Variants in GPHN observed in about 807,000 individuals in gnomAD.
GPHN encodes gephyrin.
In GPHN, 17 loss-of-function variants were observed where a neutral mutation model predicts 95.5. The observed-to-expected ratio is 0.18, with a 90% CI of 0.12 to 0.27. The LOEUF (loss-of-function observed/expected upper bound fraction) is 0.27, where lower values mean the gene tolerates loss of function less well. Ranked by LOEUF, GPHN falls within the 10% of genes least tolerant of loss-of-function variation. The pLI is 1.00. For synonymous variants in GPHN, 320 were observed against 322.5 expected (o/e 0.99, Z 0.08); for missense variants, 660 against 978.1 (o/e 0.67, Z 4.34).
At chr14:67,448,096 A>T in the GPHN span, among the ~76,000 whole-genome samples, 69 of 70,422 alleles carry the variant, frequency 9.8e-4, 1 homozygote, top group East Asian at 0.035. Flanking sequence ...TTCAGGTTTG[A>T]TTCATTTCTT....
the GPHN span, among the ~76,000 whole-genome samples, chr14:67,377,908 G>A: frequency 6.6e-6 from 1 of 151,294 alleles, no homozygotes; most frequent in African/African-American, 2.4e-5. Flanking sequence ...AGGAGTTGGA[G>A]ACCATCCTGG....
chr14:66,798,201 G>A (rs2060224450), intron 3 of GPHN, among the ~76,000 whole-genome samples: 1 of 151,840 alleles, frequency 6.6e-6, no homozygotes. Context: ...TGATCTTTCT[G>A]ATGTATTGCT....
the GPHN span, among the ~76,000 whole-genome samples, chr14:67,195,178 A>G: frequency 3.9e-5 from 6 of 152,386 alleles, no homozygotes; most frequent in Admixed American, 2.0e-4. Flanking sequence ...AGAACATCAC[A>G]GCAAAGTTGA....
the GPHN span, among the ~76,000 whole-genome samples, chr14:67,459,749 A>T: frequency 1.3e-5 from 2 of 152,338 alleles, no homozygotes; most frequent in South Asian, 4.1e-4. Context: ...ACCCTAATTG[A>T]TTCGTTGATT....
the GPHN span, among the ~76,000 whole-genome samples, chr14:67,449,555 C>T: frequency 1.3e-5 from 2 of 152,138 alleles, no homozygotes; most frequent in Non-Finnish European, 1.5e-5. Context: ...ACAACACACA[C>T]TCAGAAACAA....
At chr14:67,585,390 A>AAGC in the GPHN span, 1 of 582,522 alleles carries the variant, frequency 1.7e-6, no homozygotes, top group East Asian at 3.0e-5. Flanking sequence ...CTCCTGTCAC[A>AAGC]AGCAGCCTTG....
intron 1 of GPHN, among the ~76,000 whole-genome samples, chr14:66,591,033 T>G (rs2061619261): frequency 6.6e-6 from 1 of 152,170 alleles, no homozygotes; most frequent in Non-Finnish European, 1.5e-5. Flanking sequence ...ATCCATTATG[T>G]AAACCGAAGC....
chr14:66,665,956 A>T (rs1044921399), intron 1 of GPHN, among the ~76,000 whole-genome samples: 1 of 152,190 alleles, frequency 6.6e-6, no homozygotes, highest in African/African-American at 2.4e-5. Flanking sequence ...TTGTAGGGGC[A>T]TGGATGAAGC....
chr14:67,068,036 C>T (rs1047403851), intron 11 of GPHN, among the ~76,000 whole-genome samples: 13 of 152,178 alleles, frequency 8.5e-5, no homozygotes, highest in East Asian at 1.9e-4. Context: ...TCTTCTGCGT[C>T]GGTCATGCTG....
rs139180073 is a variant in GPHN, at chr14:67,023,618, A to G, written c.964-15A>G. ...CTATAAACCCTAAATTACTGAGTTT[A>G]TGCTCTTTCTACAGGTCCAGTCCAG... is the stretch of plus-strand genomic sequence containing the variant. On this transcript the variant is annotated splice_polypyrimidine_tract_variant and intron_variant, in intron 9 of 22. Coordinates refer to ENST00000478722, the MANE Select transcript of GPHN (RefSeq NM_020806.5). The G allele has an allele frequency of 1.2e-6, 2 of 1,610,998 alleles. No individual in the cohort carries two copies. Among genetic ancestry groups the G allele is most frequent in the Admixed American group, 1.7e-5 (1 of 59,994 alleles).
At chr14:67,075,535 A>G (rs539386923) in intron 11 of GPHN, among the ~76,000 whole-genome samples, 71 of 152,312 alleles carry the variant, frequency 4.7e-4, no homozygotes, top group African/African-American at 1.6e-3. Context: ...ATAGATAGTG[A>G]TTCCTATAGT....
intron 5 of GPHN, among the ~76,000 whole-genome samples, chr14:66,893,646 A>G (rs934270661): frequency 6.6e-6 from 1 of 152,214 alleles, no homozygotes; most frequent in African/African-American, 2.4e-5. Flanking sequence ...CCTTAAGCTA[A>G]TAAGCAACTT....
At chr14:67,147,315 C>T (rs140962828) in intron 18 of GPHN, among the ~76,000 whole-genome samples, 10 of 152,266 alleles carry the variant, frequency 6.6e-5, no homozygotes, top group Admixed American at 1.3e-4. Context: ...GTCTCTGTTT[C>T]GGGCATAAAC....
At chr14:66,883,812 G>A (rs994598329) in intron 5 of GPHN, among the ~76,000 whole-genome samples, 1 of 152,018 alleles carries the variant, frequency 6.6e-6, no homozygotes, top group Admixed American at 6.6e-5. Flanking sequence ...GTATATACTA[G>A]GTTTATGTTT....
chr14:67,413,478 A>G, the GPHN span, among the ~76,000 whole-genome samples: 4 of 152,160 alleles, frequency 2.6e-5, no homozygotes, highest in Non-Finnish European at 5.9e-5. Context: ...AGATGCCTGT[A>G]AGGGAAGAGA....
chr14:67,562,278 T>A, the GPHN span: 1 of 1,613,752 alleles, frequency 6.2e-7, no homozygotes, highest in African/African-American at 1.3e-5. Flanking sequence ...GCAGCTGTGC[T>A]TGCACCTTCC....
chr14:66,768,137 A>G (rs933816106), intron 2 of GPHN, among the ~76,000 whole-genome samples: 6 of 152,074 alleles, frequency 3.9e-5, no homozygotes, highest in African/African-American at 1.4e-4. Context: ...TTTTTAAGTT[A>G]CTAAAGATAA....
At chr14:66,811,267 C>G (rs924916289) in intron 3 of GPHN, among the ~76,000 whole-genome samples, 2 of 151,934 alleles carry the variant, frequency 1.3e-5, no homozygotes, top group African/African-American at 4.8e-5. Context: ...ATGTAACAAA[C>G]CTGAACGTGC....
At chr14:67,313,830 G>T in the GPHN span, among the ~76,000 whole-genome samples, 1 of 151,540 alleles carries the variant, frequency 6.6e-6, no homozygotes, top group African/African-American at 2.4e-5. Context: ...TATTGTCTCT[G>T]TTATAATTCT....
Sources: allele counts gnomAD v4.1 joint callset (sites outside exome capture counted in the v4.1 genomes callset), GRCh38; gene constraint gnomAD v4.1.1; transcripts MANE v1.5; gene names NCBI Gene and HGNC (gene_info 2026-07-23, HGNC 2026-07-21).